AK8: variants seen among roughly 807,000 people sequenced by gnomAD.
AK8 encodes the protein adenylate kinase 8, also known as ATP-AMP transphosphorylase 8.
AK8 carries 44 observed loss-of-function variants against 54.6 expected under a neutral mutation model. The observed-to-expected ratio is 0.81, with a 90% confidence interval of 0.63 to 1.04. AK8 has a LOEUF of 1.04. AK8 is among the 50% of genes least tolerant of loss of function. The probability of loss-of-function intolerance (pLI) is 0.00; values close to 1 mark genes in which losing one functional copy is unlikely to be tolerated. For synonymous variants in AK8, 239 were observed against 245.6 expected, an observed-to-expected ratio of 0.97 and a Z score of 0.25; for missense variants, 555 against 613.6, an observed-to-expected ratio of 0.90 and a Z score of 1.01.
Position 132,866,904 on chromosome 9 carries a change from T to A in AK8, c.219A>T (p.Ile73=), listed in dbSNP as rs1843622401. The A allele has an allele frequency of 6.2e-7, 1 of 1,613,676 alleles. No individual in the cohort carries two copies. Among genetic ancestry groups the A allele is most frequent in the Non-Finnish European group, 8.5e-7 (1 of 1,179,718 alleles). Residue 73 remains isoleucine (I), a splice_region_variant and synonymous_variant, in exon 3 of 13, where the codon ATA becomes ATT. Coordinates refer to ENST00000298545, the MANE Select transcript of AK8 (RefSeq NM_152572.3). The part of the protein sequence containing the change: ...LGPPASGKTT[I]AMWLCKHLNS... ...ACAACACTTAATATGATACACTTAC[T>A]ATTGTTGTTTTCCCTGAGGCGGGTG...
chr9:132,787,789 C>T (rs1263836484), intron 11 of AK8, among the ~76,000 whole-genome samples: 1 of 152,128 alleles, frequency 6.6e-6, no homozygotes, highest in Non-Finnish European at 1.5e-5. Context: ...ACATGTGTTT[C>T]CGGTGTAACA....
intron 5 of AK8, among the ~76,000 whole-genome samples, chr9:132,829,324 T>A (rs1842013422): frequency 6.6e-6 from 1 of 152,242 alleles, no homozygotes; most frequent in East Asian, 1.9e-4. Context: ...GCACAGCTCC[T>A]CATTGTCCAC....
intron 3 of AK8, among the ~76,000 whole-genome samples, chr9:132,865,747 A>G (rs1038177403): frequency 2.0e-5 from 3 of 151,854 alleles, no homozygotes; most frequent in Non-Finnish European, 4.4e-5. Context: ...CAGGAGGCGG[A>G]GGTCGCAGTG....
intron 11 of AK8, among the ~76,000 whole-genome samples, chr9:132,755,589 C>T (rs1011063115): frequency 6.6e-6 from 1 of 152,158 alleles, no homozygotes; most frequent in African/African-American, 2.4e-5. Flanking sequence ...AGGGCTTAAT[C>T]GGTTTGCTGA....
chr9:132,864,021 C>G (rs770312239), intron 3 of AK8, among the ~76,000 whole-genome samples: 5 of 152,186 alleles, frequency 3.3e-5, no homozygotes, highest in Non-Finnish European at 5.9e-5. Context: ...GTGGGAAGAC[C>G]TACAGGCAGG....
chr9:132,824,215 G>C (rs939671250), intron 8 of AK8, among the ~76,000 whole-genome samples: 1 of 152,252 alleles, frequency 6.6e-6, no homozygotes, highest in African/African-American at 2.4e-5. Context: ...GGGCACCTGA[G>C]GCAGGAGAGA....
intron 11 of AK8, among the ~76,000 whole-genome samples, chr9:132,742,903 A>G (rs1837462537): frequency 6.6e-6 from 1 of 152,176 alleles, no homozygotes; most frequent in Non-Finnish European, 1.5e-5. Flanking sequence ...TTCAGCAACC[A>G]ATCCAAGTTC....
chr9:132,794,874 C>T (rs906113560), intron 10 of AK8, among the ~76,000 whole-genome samples: 4 of 152,294 alleles, frequency 2.6e-5, no homozygotes, highest in South Asian at 2.1e-4. Context: ...ACTCTCTGAG[C>T]GTCAGCTTCC....
At chr9:132,829,308 A>C (rs1842012255) in intron 5 of AK8, among the ~76,000 whole-genome samples, 1 of 151,978 alleles carries the variant, frequency 6.6e-6, no homozygotes, top group East Asian at 1.9e-4. Context: ...GCATCTCTTC[A>C]TATCTGCACA....
At chr9:132,749,945 C>T (rs577100420) in intron 11 of AK8, among the ~76,000 whole-genome samples, 2 of 146,058 alleles carry the variant, frequency 1.4e-5, no homozygotes, top group South Asian at 4.5e-4. Flanking sequence ...CCTCCTTCCT[C>T]TGTCTTCCTT....
chr9:132,732,956 A>G (rs959019895), intron 11 of AK8, among the ~76,000 whole-genome samples: 3 of 152,132 alleles, frequency 2.0e-5, no homozygotes, highest in African/African-American at 7.2e-5. Flanking sequence ...TTCTCCTTCG[A>G]GGCCAGCTTC....
Position 132,770,589 on chromosome 9 carries a change from G to C in AK8, c.1121+22045C>G, listed in dbSNP as rs1405451348. Among the ~76,000 whole-genome samples the C allele has an allele frequency of 6.6e-6, 1 of 152,206 alleles. No homozygotes were observed. The highest frequency in any genetic ancestry group is 2.4e-5 in the African/African-American group (1 of 41,454). ...GCGTGAGGGTCAGTGGTGACTTCCG[G>C]GATTGAATTGGCTGGGAAGCCGGTC... On this transcript the variant is annotated intron_variant, in intron 11 of 12. Transcript: ENST00000298545. The surrounding 1 kb of genome is among the most constrained non-coding windows in gnomAD (Gnocchi z 4.3).
In AK8 at chr9:132,878,235, C is replaced by T. The variant is rs997472397; in HGVS notation, c.21G>A (p.Pro7=). The part of the protein sequence containing the change: MDATIA[P]HRIPPEMPQY... ...GGGGCATCTCGGGGGGGATACGGTG[C>T]GGGGCGATAGTGGCGTCCATGTAGC... is the stretch of plus-strand genomic sequence containing the variant. Residue 7 remains proline, a synonymous_variant, in exon 1 of 13, where the codon CCG becomes CCA. Coordinates refer to ENST00000298545, the MANE Select transcript of AK8 (RefSeq NM_152572.3). This position sits in a 1 kb window ranked among gnomAD's most constrained non-coding sequence, Gnocchi z 4.7. 4 of 1,433,672 alleles carry T rather than the reference C, an allele frequency of 2.8e-6. No homozygotes were observed. The Admixed American group carries it at 7.8e-5, about 28-fold the overall frequency. 88.8% of individuals were successfully genotyped at this position (1,433,672 alleles called of 1,614,324 possible).
At chr9:132,774,870 G>A (rs562766689) in intron 11 of AK8, among the ~76,000 whole-genome samples, 21 of 152,278 alleles carry the variant, frequency 1.4e-4, no homozygotes, top group African/African-American at 5.1e-4. Flanking sequence ...GGCTTAGGCC[G>A]AACTGTTACC....
chr9:132,727,592 G>A, intron 11 of AK8, 58 bp from the exon 12 acceptor site: 1 of 1,508,774 alleles, frequency 6.6e-7, no homozygotes. Flanking sequence ...TTATGATGCT[G>A]TGACATCCTG....
chr9:132,727,384 A>T, intron 12 of AK8, 70 bp downstream of exon 12: 1 of 1,408,832 alleles, frequency 7.1e-7, no homozygotes, highest in Middle Eastern at 1.8e-4. Context: ...CCACCATGGC[A>T]TTGGTCAGTC....
At chr9:132,840,897 C>T (rs1842516794) in intron 5 of AK8, among the ~76,000 whole-genome samples, 1 of 152,048 alleles carries the variant, frequency 6.6e-6, no homozygotes, top group Non-Finnish European at 1.5e-5. Context: ...CATAAACCCA[C>T]CCAGAAAGTG....
At chr9:132,877,909 C>A in intron 1 of AK8, 2 of 809,044 alleles carry the variant, frequency 2.5e-6, no homozygotes, top group Non-Finnish European at 2.0e-6. Context: ...CCGCTGGCGG[C>A]ACAGCCAGGA....
intron 5 of AK8, among the ~76,000 whole-genome samples, chr9:132,832,354 C>T (rs1292219456): frequency 1.1e-4 from 16 of 151,954 alleles, no homozygotes; most frequent in African/African-American, 3.2e-4. Context: ...AGCCAAGCGC[C>T]GGGCTGCAGC....
Sources: gnomAD v4.1 joint callset for allele counts (sites outside exome capture counted in the v4.1 genomes callset) on GRCh38, gnomAD v4.1.1 for gene constraint, Gnocchi (gnomAD v3.1) non-coding constraint, MANE v1.5 for transcripts, NCBI Gene and HGNC (gene_info 2026-07-23, HGNC 2026-07-21) for gene names.